Variants in RUNX2 observed in about 807,000 individuals in gnomAD.
The protein encoded by RUNX2 is runt-related transcription factor 2.
Under a neutral mutation model 51.7 loss-of-function variants are expected in RUNX2, and 10 were observed. The ratio of observed to expected loss-of-function variants is 0.19; its 90% CI spans 0.12 to 0.33. The LOEUF (loss-of-function observed/expected upper bound fraction) is 0.33. Ranked by LOEUF, RUNX2 falls within the 10% of genes least tolerant of loss-of-function variation. The probability of loss-of-function intolerance (pLI) is 1.00; values close to 1 mark genes in which losing one functional copy is unlikely to be tolerated. For synonymous variants in RUNX2, 276 were observed against 273.6 expected (o/e 1.01, Z -0.09); for missense variants, 562 against 691.3 (o/e 0.81, Z 2.10).
chr6:45,347,237 T>C (rs1380280546), intron 2 of RUNX2, among the ~76,000 whole-genome samples: 2 of 152,188 alleles, frequency 1.3e-5, no homozygotes, highest in African/African-American at 2.4e-5. Context: ...TTAAGAGATA[T>C]AGTAAATTAA....
intron 6 of RUNX2, among the ~76,000 whole-genome samples, chr6:45,492,821 A>G (rs1224310763): frequency 1.3e-5 from 2 of 152,214 alleles, no homozygotes; most frequent in African/African-American, 4.8e-5. Context: ...ACTCGTTTGA[A>G]TGCTTTTAGG....
intron 2 of RUNX2, among the ~76,000 whole-genome samples, chr6:45,368,020 T>C (rs1795441913): frequency 6.6e-6 from 1 of 152,162 alleles, no homozygotes; most frequent in South Asian, 2.1e-4. Flanking sequence ...TCTATTTCCT[T>C]TCTTCTAGAC....
chr6:45,424,822 A>T (rs954822850), intron 3 of RUNX2, among the ~76,000 whole-genome samples: 10 of 149,302 alleles, frequency 6.7e-5, no homozygotes, highest in Non-Finnish European at 1.3e-4. Context: ...GGCTCAAGAA[A>T]TTTTTTTTTT....
chr6:45,377,495 C>G (rs1796971059), intron 2 of RUNX2: 1 of 152,246 alleles, frequency 6.6e-6, no homozygotes. Context: ...CCCCTCACCC[C>G]ACGCCCACCC....
At chr6:45,346,198 A>T (rs2150158912) in intron 2 of RUNX2, among the ~76,000 whole-genome samples, 1 of 152,240 alleles carries the variant, frequency 6.6e-6, no homozygotes, top group Admixed American at 6.5e-5. Flanking sequence ...TGTGTGTAAG[A>T]TTCTCACTCT....
At chr6:45,530,610 A>G (rs1265846910) in intron 7 of RUNX2, among the ~76,000 whole-genome samples, 1 of 152,114 alleles carries the variant, frequency 6.6e-6, no homozygotes, top group East Asian at 1.9e-4. Context: ...CATCCAAGAG[A>G]AGTGGAAACT....
At chr6:45,424,286 G>A (rs1043329516) in intron 3 of RUNX2, among the ~76,000 whole-genome samples, 1 of 152,236 alleles carries the variant, frequency 6.6e-6, no homozygotes, top group Admixed American at 6.5e-5. Context: ...CCCTCTACAG[G>A]GGGGAGACGC....
rs1214571540 is a variant in RUNX2 at position 45,546,960 on chromosome 6, C to T, written c.1221C>T (p.Gly407=). 1.2e-6 allele frequency: 2 copies of T among 1,613,922 alleles called. No homozygotes were observed. The highest frequency in any genetic ancestry group is 1.7e-6 in the Non-Finnish European group (2 of 1,180,004). ...TFTYTPPVTS[G]MSLGMSATTH... Reference sequence around the variant, plus strand: ...CTTACACCCCGCCAGTCACCTCAGGCATGTCCCTCGGTATGTCCGCCACCA... The same window carrying T: ...CTTACACCCCGCCAGTCACCTCAGGTATGTCCCTCGGTATGTCCGCCACCA... The change falls in exon 9 of 9, where the codon GGC becomes GGT. Residue 407 remains glycine, a synonymous_variant. Transcript: ENST00000647337.
chr6:45,378,784 T>A (rs1797135756), intron 2 of RUNX2, among the ~76,000 whole-genome samples: 1 of 152,202 alleles, frequency 6.6e-6, no homozygotes, highest in African/African-American at 2.4e-5. Context: ...TAGATGTAGT[T>A]CTTTAAATAA....
At chr6:45,427,873 A>C (rs1478877556) in intron 3 of RUNX2, among the ~76,000 whole-genome samples, 4 of 152,182 alleles carry the variant, frequency 2.6e-5, no homozygotes, top group African/African-American at 9.6e-5. Flanking sequence ...GCATTACTAC[A>C]GTTAAATATC....
chr6:45,340,761 T>C (rs1190387206), intron 2 of RUNX2, among the ~76,000 whole-genome samples: 1 of 152,088 alleles, frequency 6.6e-6, no homozygotes, highest in Non-Finnish European at 1.5e-5. Flanking sequence ...GGTAAAAAAT[T>C]AAACACTTAA....
intron 7 of RUNX2, among the ~76,000 whole-genome samples, chr6:45,544,207 C>A (rs186496290): frequency 6.6e-6 from 1 of 151,984 alleles, no homozygotes; most frequent in Admixed American, 6.5e-5. Context: ...GTAAACCTAG[C>A]GGAAATTTGT....
intron 7 of RUNX2, among the ~76,000 whole-genome samples, chr6:45,521,442 A>G (rs1801505894): frequency 6.6e-6 from 1 of 152,224 alleles, no homozygotes; most frequent in Non-Finnish European, 1.5e-5. Flanking sequence ...GTTAGTAACA[A>G]TGCCAAAACA....
intron 5 of RUNX2, among the ~76,000 whole-genome samples, chr6:45,465,442 C>T (rs1294285339): frequency 6.6e-6 from 1 of 151,878 alleles, no homozygotes; most frequent in Non-Finnish European, 1.5e-5. Flanking sequence ...AATTTTAGTA[C>T]TATGCATACC....
intron 2 of RUNX2, among the ~76,000 whole-genome samples, chr6:45,348,985 T>C (rs1791490603): frequency 6.6e-6 from 1 of 152,164 alleles, no homozygotes; most frequent in African/African-American, 2.4e-5. Flanking sequence ...GCACACCACA[T>C]GTACTTAGTA....
intron 2 of RUNX2, among the ~76,000 whole-genome samples, chr6:45,341,362 G>A (rs1408635886): frequency 6.6e-6 from 1 of 152,008 alleles, no homozygotes; most frequent in Non-Finnish European, 1.5e-5. Flanking sequence ...AAGCTGTTTG[G>A]GGATCTATGA....
At chr6:45,460,656 G>A (rs201770587) in intron 5 of RUNX2, among the ~76,000 whole-genome samples, 1 of 152,080 alleles carries the variant, frequency 6.6e-6, no homozygotes, top group East Asian at 1.9e-4. Context: ...CTACTTGGGA[G>A]GCTGAGGCAG....
At chr6:45,431,139 T>C (rs1177780365) in intron 3 of RUNX2, among the ~76,000 whole-genome samples, 3 of 152,246 alleles carry the variant, frequency 2.0e-5, no homozygotes, top group African/African-American at 7.2e-5. Flanking sequence ...AGCAGTCAAG[T>C]ATGTCATTCC....
intron 2 of RUNX2, among the ~76,000 whole-genome samples, chr6:45,413,519 C>T (rs191649991): frequency 2.8e-5 from 4 of 143,838 alleles, no homozygotes; most frequent in Admixed American, 7.3e-5. Flanking sequence ...CAACATTTGC[C>T]TCCTGGGTTC....
Sources: gnomAD v4.1 joint callset for allele counts (sites outside exome capture counted in the v4.1 genomes callset) on GRCh38, gnomAD v4.1.1 for gene constraint, MANE v1.5 for transcripts, NCBI Gene and HGNC (gene_info 2026-07-23, HGNC 2026-07-21) for gene names.